The following ABCA13 variants were observed in gnomAD, a reference collection of about 807,000 sequenced individuals.
ABCA13 encodes the protein ATP binding cassette subfamily A member 13.
Under a neutral mutation model 478.7 loss-of-function variants are expected in ABCA13, and 476 were observed. The ratio of observed to expected loss-of-function variants is 0.99; its 90% CI spans 0.92 to 1.07. The LOEUF (loss-of-function observed/expected upper bound fraction) is 1.07. Ranked by LOEUF, ABCA13 falls within the 50% of genes least tolerant of loss-of-function variation. ABCA13 has a pLI of 0.00. For missense variants in ABCA13, 6,060 were observed against 5,910.6 expected (o/e 1.03, Z -0.83); for synonymous variants, 2,252 against 2,158.9 (o/e 1.04, Z -1.20).
At chr7:48,528,845 G>C (rs915437328) in intron 55 of ABCA13, among the ~76,000 whole-genome samples, 20 of 152,074 alleles carry the variant, frequency 1.3e-4, no homozygotes, top group Admixed American at 2.6e-4. Flanking sequence ...TAGGGGAGTA[G>C]GCAAGATGTT....
intron 35 of ABCA13, among the ~76,000 whole-genome samples, chr7:48,381,122 T>C (rs1814303674): frequency 6.6e-6 from 1 of 152,182 alleles, no homozygotes; most frequent in South Asian, 2.1e-4. Flanking sequence ...CACTGGTGCT[T>C]CCCTGTGTGA....
rs1473028967 is a variant in ABCA13 at position 48,410,677 on chromosome 7, G to A, written c.12228G>A (p.Gln4076=). The stretch of plus-strand genomic sequence containing the variant: ...GGCTCCGCCTGACACTCACGAGGCA[G>A]GTAAGGAGTGCAACCATTCTATCTC... The part of the protein sequence containing the change: ...GQGLRLTLTR[Q]PSVLEAHDLK... Residue 4076 remains glutamine (Q), a splice_region_variant and synonymous_variant, in exon 40 of 62, where the codon CAG becomes CAA. Transcript: ENST00000435803. 1.2e-6 allele frequency: 2 copies of A among 1,611,136 alleles called. No individual in the cohort carries two copies. Among genetic ancestry groups the A allele is most frequent in the Non-Finnish European group, 8.5e-7 (1 of 1,178,060 alleles).
At chr7:48,341,458 G>A (rs1450474726) in intron 29 of ABCA13, among the ~76,000 whole-genome samples, 4 of 152,052 alleles carry the variant, frequency 2.6e-5, no homozygotes, top group African/African-American at 9.7e-5. Context: ...ATATTAATCA[G>A]TGTAGTCTTG....
At chr7:48,538,100 C>CTT (rs574241927) in intron 55 of ABCA13, among the ~76,000 whole-genome samples, 15 of 113,402 alleles carry the variant, frequency 1.3e-4, no homozygotes, top group South Asian at 3.1e-4. Context: ...TCTTTCTTTC[C>CTT]TTTTTTTTTT....
chr7:48,203,984 T>C (rs1034189743), intron 3 of ABCA13, among the ~76,000 whole-genome samples: 4 of 152,138 alleles, frequency 2.6e-5, no homozygotes, highest in African/African-American at 9.7e-5. Flanking sequence ...CCAGACCCCC[T>C]GAGAATCATC....
rs752630524 is a variant in ABCA13, at chr7:48,273,312, G to A, written c.3646G>A (p.Val1216Ile). 1.9e-6 allele frequency: 3 copies of A among 1,613,566 alleles called. No homozygotes were observed. Among genetic ancestry groups the A allele is most frequent in the East Asian group, 2.2e-5 (1 of 44,856 alleles). Residue 1216 changes from valine to isoleucine, a missense_variant, in exon 17 of 62, where the codon GTA (valine) becomes ATA (isoleucine). Transcript: ENST00000435803. ...ARLILNLFKN[V>I]TQANDFHNWE... ...ACTCATATTAAATTTGTTTAAAAAT[G>A]TAACTCAAGCCAATGACTTCCATAA...
intron 31 of ABCA13, among the ~76,000 whole-genome samples, chr7:48,355,326 C>T (rs1233927527): frequency 6.6e-6 from 1 of 151,346 alleles, no homozygotes; most frequent in Non-Finnish European, 1.5e-5. Flanking sequence ...GGCAGAGGAA[C>T]CCCCCATGCA....
intron 50 of ABCA13, among the ~76,000 whole-genome samples, chr7:48,510,608 C>G (rs1458955180): frequency 6.6e-6 from 1 of 152,132 alleles, no homozygotes; most frequent in Admixed American, 6.6e-5. Flanking sequence ...AGCTTCACCC[C>G]GGAAACTTGA....
chr7:48,636,853 C>T (rs939599301), intron 59 of ABCA13, among the ~76,000 whole-genome samples: 3 of 152,056 alleles, frequency 2.0e-5, no homozygotes, highest in Non-Finnish European at 4.4e-5. Context: ...ACATTTCGGC[C>T]CAGAGTCACT....
intron 15 of ABCA13, among the ~76,000 whole-genome samples, chr7:48,258,663 T>C (rs1438456387): frequency 1.3e-5 from 2 of 152,110 alleles, no homozygotes; most frequent in African/African-American, 4.8e-5. Context: ...CAGAAGGGGT[T>C]GGTTTGCTCT....
At chr7:48,240,064 C>T (rs183719097) in intron 9 of ABCA13, among the ~76,000 whole-genome samples, 70 of 152,314 alleles carry the variant, frequency 4.6e-4, no homozygotes, top group African/African-American at 1.6e-3. Context: ...CAGGCTTTGC[C>T]GTCTCTGTCT....
chr7:48,192,198 T>C (rs974756521), intron 1 of ABCA13, among the ~76,000 whole-genome samples: 5 of 151,714 alleles, frequency 3.3e-5, no homozygotes, highest in African/African-American at 9.7e-5. Context: ...TTTTTTTTTT[T>C]CCTCAAATGA....
intron 15 of ABCA13, among the ~76,000 whole-genome samples, chr7:48,261,864 A>C (rs1584493219): frequency 6.6e-6 from 1 of 151,942 alleles, no homozygotes; most frequent in East Asian, 1.9e-4. Context: ...AGGCACTAGA[A>C]TGGTGATGGA....
chr7:48,289,908 G>C (rs918377830), intron 20 of ABCA13, among the ~76,000 whole-genome samples: 1 of 152,196 alleles, frequency 6.6e-6, no homozygotes, highest in Non-Finnish European at 1.5e-5. Flanking sequence ...TGGTTCAAGG[G>C]CTTCAAGTAT....
chr7:48,314,654 C>T (rs1802283366), intron 26 of ABCA13, among the ~76,000 whole-genome samples: 2 of 152,144 alleles, frequency 1.3e-5, no homozygotes, highest in South Asian at 4.1e-4. Flanking sequence ...ATGTCTAAAA[C>T]ACCTGAAACC....
In ABCA13 at chr7:48,188,542, T is replaced by C. The variant is rs1168793152; in HGVS notation, c.70-4417T>C. The stretch of plus-strand genomic sequence containing the variant: ...GTTGAAGTATGGTAGGCTTATTTGA[T>C]CTGCTCTAGAAACTTTTTTTTCTTT... On this transcript the variant is annotated intron_variant, in intron 1 of 61. Transcript: ENST00000435803. Among the ~76,000 whole-genome samples the C allele has an allele frequency of 3.9e-5, 6 of 152,184 alleles. No homozygotes were observed. The East Asian group carries it at 1.2e-3, about 29-fold the overall frequency.
chr7:48,419,803 C>T (rs1362433264), intron 41 of ABCA13, among the ~76,000 whole-genome samples: 1 of 152,128 alleles, frequency 6.6e-6, no homozygotes, highest in Non-Finnish European at 1.5e-5. Flanking sequence ...ACATCTCTCA[C>T]ACACACGGAC....
At position 48,227,680 on chromosome 7, in the gene ABCA13, T is replaced by C. The variant is rs140516289; in HGVS notation, c.632+255T>C. On this transcript the variant is annotated intron_variant, in intron 6 of 61. Transcript: ENST00000435803. ...AAGTCAGCGCCATATTTTAATATTT[T>C]GTATGTTGTTATAGTTTATAAATGG... 1.7e-3 allele frequency among the ~76,000 whole-genome samples: 258 copies of C among 152,328 alleles called. 2 individuals carry two copies. Among genetic ancestry groups the C allele is most frequent in the South Asian group, 0.017 (81 of 4,830 alleles).
chr7:48,560,373 C>T (rs113852085), intron 55 of ABCA13, among the ~76,000 whole-genome samples: 2 of 152,306 alleles, frequency 1.3e-5, no homozygotes, highest in African/African-American at 4.8e-5. Flanking sequence ...TCCCTCTCCA[C>T]ACCATACAGC....
Sources: gnomAD v4.1 joint callset for allele counts (sites outside exome capture counted in the v4.1 genomes callset) on GRCh38, gnomAD v4.1.1 for gene constraint, MANE v1.5 for transcripts, NCBI Gene and HGNC (gene_info 2026-07-23, HGNC 2026-07-21) for gene names.